Variants in GRM7 observed in about 807,000 individuals in gnomAD.
GRM7 encodes the protein glutamate metabotropic receptor 7, also known as metabotropic glutamate receptor 7.
In GRM7, 35 loss-of-function variants were observed where a neutral mutation model predicts 84.5. The ratio of observed to expected loss-of-function variants is 0.41; its 90% confidence interval spans 0.32 to 0.55. The LOEUF is 0.55. Ranked by LOEUF, GRM7 falls within the 20% of genes least tolerant of loss-of-function variation. The pLI, the probability that GRM7 is intolerant of heterozygous loss-of-function variation, is 0.19. For synonymous variants in GRM7, 487 were observed against 455.1 expected, an observed-to-expected ratio of 1.07 and a Z score of -0.89; for missense variants, 1,003 against 1,194.6, an observed-to-expected ratio of 0.84 and a Z score of 2.36.
At chr3:7,682,568 ACAC>A (rs759915006) in intron 9 of GRM7, among the ~76,000 whole-genome samples, 12,520 of 105,868 alleles carry the variant, frequency 0.12, 765 homozygotes, top group African/African-American at 0.25. Flanking sequence ...ACACACACAC[ACAC>A]ATTTAACTAG....
At chr3:7,157,146 G>A (rs567505495) in intron 2 of GRM7, among the ~76,000 whole-genome samples, 87 of 152,176 alleles carry the variant, frequency 5.7e-4, no homozygotes, top group African/African-American at 2.0e-3. Flanking sequence ...CTCCATGGAG[G>A]CCTTCAATTC....
At chr3:7,514,760 A>G (rs928677990) in intron 7 of GRM7, among the ~76,000 whole-genome samples, 4 of 152,202 alleles carry the variant, frequency 2.6e-5, no homozygotes, top group Admixed American at 6.5e-5. Flanking sequence ...ATCCACTGTG[A>G]GGCTGACCTT....
intron 8 of GRM7, among the ~76,000 whole-genome samples, chr3:7,629,124 T>G (rs919857674): frequency 6.6e-6 from 1 of 152,218 alleles, no homozygotes; most frequent in Non-Finnish European, 1.5e-5. Context: ...TTAAAATGCA[T>G]GGGCTTTGGG....
chr3:6,946,067 G>C (rs1698067733), intron 1 of GRM7, among the ~76,000 whole-genome samples: 1 of 152,106 alleles, frequency 6.6e-6, no homozygotes. Context: ...AGTTTAATTA[G>C]ATCCCATTTG....
At chr3:6,891,086 T>A (rs546028145) in intron 1 of GRM7, among the ~76,000 whole-genome samples, 1 of 152,328 alleles carries the variant, frequency 6.6e-6, no homozygotes, top group Admixed American at 6.5e-5. Flanking sequence ...ATTTGCTTGG[T>A]AGATCTTCCT....
chr3:6,951,559 T>C (rs1239512565), intron 1 of GRM7, among the ~76,000 whole-genome samples: 1 of 152,224 alleles, frequency 6.6e-6, no homozygotes, highest in Non-Finnish European at 1.5e-5. Context: ...TATTTTGCAG[T>C]ACATTATTTA....
intron 1 of GRM7, among the ~76,000 whole-genome samples, chr3:7,145,337 A>G (rs1694074254): frequency 6.6e-6 from 1 of 152,090 alleles, no homozygotes. Context: ...CTCATTTTCT[A>G]TTGCTTGATA....
intron 9 of GRM7, among the ~76,000 whole-genome samples, chr3:7,713,168 T>C (rs2125167057): frequency 6.8e-6 from 1 of 147,692 alleles, no homozygotes; most frequent in South Asian, 2.2e-4. Context: ...AATCTTGCTT[T>C]GTCACCCAGG....
chr3:6,865,788 G>A (rs911269692), intron 1 of GRM7, among the ~76,000 whole-genome samples: 8 of 151,902 alleles, frequency 5.3e-5, no homozygotes, highest in African/African-American at 1.2e-4. Context: ...ATCGTAATCC[G>A]ATAGAGCTGA....
At chr3:7,601,748 A>G (rs1696321956) in intron 8 of GRM7, among the ~76,000 whole-genome samples, 1 of 152,076 alleles carries the variant, frequency 6.6e-6, no homozygotes, top group Admixed American at 6.6e-5. Context: ...TACTGGAGCA[A>G]CTGGGGCCAT....
intron 8 of GRM7, among the ~76,000 whole-genome samples, chr3:7,665,609 A>G (rs929896186): frequency 8.5e-5 from 13 of 152,196 alleles, no homozygotes; most frequent in African/African-American, 3.1e-4. Flanking sequence ...TTTTCCAAGT[A>G]CTGGCAATTA....
At chr3:7,248,835 C>A (rs1697872221) in intron 2 of GRM7, among the ~76,000 whole-genome samples, 1 of 151,998 alleles carries the variant, frequency 6.6e-6, no homozygotes, top group African/African-American at 2.4e-5. Context: ...GTGTGTGGTA[C>A]CTGGGCAATA....
chr3:7,617,754 A>G (rs1456451528), intron 8 of GRM7, among the ~76,000 whole-genome samples: 1 of 152,166 alleles, frequency 6.6e-6, no homozygotes, highest in Non-Finnish European at 1.5e-5. Flanking sequence ...CTTACCAGAG[A>G]TAGGAAAGAG....
chr3:7,689,378 T>TA (rs1279061488), intron 9 of GRM7, among the ~76,000 whole-genome samples: 1 of 152,214 alleles, frequency 6.6e-6, no homozygotes, highest in African/African-American at 2.4e-5. Context: ...ATCTCTGCTG[T>TA]AACTGGAGAC....
intron 8 of GRM7, among the ~76,000 whole-genome samples, chr3:7,632,242 C>T (rs1473628909): frequency 6.6e-6 from 1 of 152,110 alleles, no homozygotes; most frequent in African/African-American, 2.4e-5. Flanking sequence ...AAGAAAGATA[C>T]ATGACTTGAT....
intron 2 of GRM7, among the ~76,000 whole-genome samples, chr3:7,239,378 G>A (rs964853466): frequency 6.6e-6 from 1 of 152,102 alleles, no homozygotes; most frequent in Non-Finnish European, 1.5e-5. Flanking sequence ...GACGGAGCTG[G>A]CCTTATCAGT....
At chr3:7,729,144 C>T (rs377268966) in intron 9 of GRM7, among the ~76,000 whole-genome samples, 112 of 151,652 alleles carry the variant, frequency 7.4e-4, no homozygotes, top group African/African-American at 2.4e-3. Flanking sequence ...TTCACCCACA[C>T]GCTGAAATTG....
chr3:7,200,392 A>T (rs553634978), intron 2 of GRM7, among the ~76,000 whole-genome samples: 1 of 152,250 alleles, frequency 6.6e-6, no homozygotes, highest in South Asian at 2.1e-4. Context: ...AGTTTCAAAA[A>T]CTCTGCCCTA....
At chr3:7,228,955 G>T (rs1032560113) in intron 2 of GRM7, among the ~76,000 whole-genome samples, 14 of 152,160 alleles carry the variant, frequency 9.2e-5, no homozygotes, top group African/African-American at 2.7e-4. Context: ...TGTTGACATA[G>T]AAATGAACGT....
Sources: gnomAD v4.1 joint callset for allele counts (sites outside exome capture counted in the v4.1 genomes callset) on GRCh38, gnomAD v4.1.1 for gene constraint, MANE v1.5 for transcripts, NCBI Gene and HGNC (gene_info 2026-07-23, HGNC 2026-07-21) for gene names.